The following HAO2 variants were observed in gnomAD, a reference collection of about 807,000 sequenced individuals.
The protein encoded by HAO2 is hydroxyacid oxidase 2.
HAO2 carries 42 observed loss-of-function variants against 37.4 expected under a neutral mutation model. The ratio of observed to expected loss-of-function variants is 1.12; its 90% CI spans 0.88 to 1.45. The LOEUF is 1.45. Among genes scored for constraint, HAO2 ranks in the 40% most tolerant of loss-of-function variants. The pLI, the probability that HAO2 is intolerant of heterozygous loss-of-function variation, is 0.00. For missense variants in HAO2, 476 were observed against 430.2 expected (o/e 1.11, Z -0.94); for synonymous variants, 180 against 162.8 (o/e 1.11, Z -0.81).
At chr1:119,383,740 A>T (rs1650155805) in intron 3 of HAO2, among the ~76,000 whole-genome samples, 1 of 151,716 alleles carries the variant, frequency 6.6e-6, no homozygotes, top group African/African-American at 2.4e-5. Context: ...CGTAATCTTC[A>T]CTCTAAGTCA....
intron 1 of HAO2, among the ~76,000 whole-genome samples, chr1:119,379,684 C>T (rs1244072088): frequency 6.6e-6 from 1 of 152,174 alleles, no homozygotes; most frequent in Non-Finnish European, 1.5e-5. Context: ...GGTGCTATGG[C>T]TGGGCTCCAA....
At chr1:119,375,183 A>G (rs1374399743) in intron 1 of HAO2, among the ~76,000 whole-genome samples, 1 of 152,236 alleles carries the variant, frequency 6.6e-6, no homozygotes, top group Non-Finnish European at 1.5e-5. Context: ...TGGGAATACA[A>G]GAAGACAAAA....
In HAO2 at chr1:119,368,859, T is replaced by A. The variant is rs1199887003; in HGVS notation, c.-52T>A. 6 of 152,238 alleles carry A rather than the reference T, an allele frequency of 3.9e-5. No homozygotes were observed. The highest frequency in any genetic ancestry group is 7.3e-5 in the Non-Finnish European group (5 of 68,068). 9.4% of individuals were successfully genotyped at this position (152,238 alleles called of 1,614,324 possible). ...GTGAGCCAGGCTTTGAGTGGCTGCG[T>A]CTAAACACTTCTTTCCCTGAGGACT... is the stretch of plus-strand genomic sequence containing the variant. On this transcript the variant is annotated 5_prime_UTR_variant, in exon 1 of 8. Transcript: ENST00000325945.
intron 1 of HAO2, among the ~76,000 whole-genome samples, chr1:119,373,192 G>T (rs1649171082): frequency 6.6e-6 from 1 of 152,138 alleles, no homozygotes; most frequent in Non-Finnish European, 1.5e-5. Flanking sequence ...ACTTCAAGTG[G>T]AGCTCCTTTT....
chr1:119,383,148 T>G, intron 3 of HAO2, 82 bp downstream of exon 3: 8 of 973,402 alleles, frequency 8.2e-6, no homozygotes, highest in Non-Finnish European at 1.1e-5. Context: ...AGATTCTCTC[T>G]AGAAGGGCCT....
At chr1:119,380,184 C>T (rs1427492818) in intron 1 of HAO2, among the ~76,000 whole-genome samples, 1 of 152,148 alleles carries the variant, frequency 6.6e-6, no homozygotes, top group Non-Finnish European at 1.5e-5. Context: ...CAACTAGTGT[C>T]TTCAGCGTCT....
rs941330481 is a variant in HAO2 at position 119,370,771 on chromosome 1, G to A, written c.-9+1869G>A. Among the ~76,000 whole-genome samples the A allele has an allele frequency of 9.9e-5, 15 of 152,154 alleles. No individual in the cohort carries two copies. In the East Asian group the frequency reaches 1.2e-3, roughly 12 times the overall value. On this transcript the variant is annotated intron_variant, in intron 1 of 7. Transcript: ENST00000325945. The stretch of plus-strand genomic sequence containing the variant: ...CAGAAACACAGTCTGGGTAGTTGCC[G>A]TAGACAGAGAAGCCAGGAGGAAGGC...
chr1:119,386,694 C>T lies in HAO2; in HGVS notation c.634C>T (p.Gln212Ter). ...CTGCTGGAATGATCTCTCCTGGTTT[C>T]AGAGCATAACTCGATTGCCCATCAT... ...SLCWNDLSWF[Q>*]SITRLPIILK... The change falls in exon 5 of 8, where the codon CAG becomes TAG. Residue 212 changes from glutamine to a stop codon, truncating the protein, a stop_gained. Transcript: ENST00000325945. LOFTEE classifies it high-confidence loss of function. 1 of 1,613,318 alleles carries T rather than the reference C, an allele frequency of 6.2e-7. No homozygotes were observed. The highest frequency in any genetic ancestry group is 8.5e-7 in the Non-Finnish European group (1 of 1,179,290).
chr1:119,383,156 C>T (rs768178384), intron 3 of HAO2, 90 bp downstream of exon 3: 270 of 876,234 alleles, frequency 3.1e-4, no homozygotes, highest in Non-Finnish European at 4.0e-4. Context: ...TCTAGAAGGG[C>T]CTTAGGAACA....
intron 2 of HAO2, among the ~76,000 whole-genome samples, chr1:119,381,972 A>G (rs1336472453): frequency 1.3e-5 from 2 of 152,206 alleles, no homozygotes; most frequent in Non-Finnish European, 2.9e-5. Flanking sequence ...CAAAGATTAC[A>G]TGGCCCACAA....
intron 1 of HAO2, among the ~76,000 whole-genome samples, chr1:119,379,200 CA>C: frequency 6.6e-6 from 1 of 152,294 alleles, no homozygotes; most frequent in Non-Finnish European, 1.5e-5. Flanking sequence ...AGTAGAGATT[CA>C]ATGCCCAGAG....
At chr1:119,383,226 C>G (rs1465028786) in intron 3 of HAO2, among the ~76,000 whole-genome samples, 160 bp downstream of exon 3, 1 of 152,192 alleles carries the variant, frequency 6.6e-6, no homozygotes, top group African/African-American at 2.4e-5. Flanking sequence ...GTTTGTGTAA[C>G]CTAAGATTGA....
intron 1 of HAO2, among the ~76,000 whole-genome samples, chr1:119,375,102 G>T (rs1044495419): frequency 3.9e-5 from 6 of 152,076 alleles, no homozygotes; most frequent in Non-Finnish European, 7.4e-5. Context: ...TTTCTCCTCT[G>T]TCTCTTCTTC....
Position 119,386,661 on chromosome 1 carries a change from A to G in HAO2, c.601A>G (p.Thr201Ala). 1 of 1,612,830 alleles carries G rather than the reference A, an allele frequency of 6.2e-7. No individual in the cohort carries two copies. Among genetic ancestry groups the G allele is most frequent in the Non-Finnish European group, 8.5e-7 (1 of 1,178,868 alleles). Residue 201 changes from threonine to alanine, a missense_variant, in exon 5 of 8, where the codon ACT becomes GCT. Transcript: ENST00000325945. Reference sequence around the variant, plus strand: ...TTATTTCCAGATGACTCCTATCAGCACTTCTCTCTGCTGGAATGATCTCTC... The same window carrying G: ...TTATTTCCAGATGACTCCTATCAGCGCTTCTCTCTGCTGGAATGATCTCTC... ...IPYFQMTPISTSLCWNDLSWF... is the reference protein window; with the variant it reads ...IPYFQMTPISASLCWNDLSWF...
Position 119,386,771 on chromosome 1 carries a change from T to G in HAO2, c.711T>G (p.Asn237Lys), listed in dbSNP as rs752327407. ...ATGCAGAGTTAGCTGTGAAGCACAATGTCCAGGGTATCATTGTTTCCAACC... is the reference window on the plus strand; with the variant it reads ...ATGCAGAGTTAGCTGTGAAGCACAAGGTCCAGGGTATCATTGTTTCCAACC... ...KEDAELAVKH[N>K]VQGIIVSNHG... The change falls in exon 5 of 8, where the codon AAT becomes AAG. Residue 237 changes from asparagine (N) to lysine (K), a missense_variant. By Grantham distance (94) the Asn-to-Lys change is moderately conservative. Transcript: ENST00000325945. 1.2e-6 allele frequency: 2 copies of G among 1,613,908 alleles called. No homozygotes were observed. The highest frequency in any genetic ancestry group is 1.7e-6 in the Non-Finnish European group (2 of 1,179,792).
At chr1:119,392,801 T>C (rs796884924) in intron 7 of HAO2, 114 bp downstream of exon 7, 2 of 770,366 alleles carry the variant, frequency 2.6e-6, no homozygotes, top group Admixed American at 1.8e-5. Context: ...GTCCAAAAGA[T>C]AGGACAGGCA....
intron 2 of HAO2, among the ~76,000 whole-genome samples, chr1:119,382,701 G>T (rs1299671966): frequency 6.6e-6 from 1 of 152,182 alleles, no homozygotes; most frequent in Non-Finnish European, 1.5e-5. Context: ...GTTGGGAAAT[G>T]GGGAATGAGG....
chr1:119,384,743 C>T, intron 3 of HAO2, 33 bp from the exon 4 acceptor site: 8 of 1,603,532 alleles, frequency 5.0e-6, no homozygotes, highest in Admixed American at 1.7e-5. Flanking sequence ...AGGCCTCTGC[C>T]CTCCAGCCTG....
At chr1:119,370,872 G>A (rs1246585455) in intron 1 of HAO2, among the ~76,000 whole-genome samples, 2 of 152,180 alleles carry the variant, frequency 1.3e-5, no homozygotes, top group African/African-American at 4.8e-5. Flanking sequence ...TCTCTCTCCT[G>A]CTACAACCCA....
Sources: gnomAD v4.1 joint callset for allele counts (sites outside exome capture counted in the v4.1 genomes callset) on GRCh38, gnomAD v4.1.1 for gene constraint, MANE v1.5 for transcripts, NCBI Gene and HGNC (gene_info 2026-07-23, HGNC 2026-07-21) for gene names.